PMS1: variants seen among roughly 807,000 people sequenced by gnomAD.
PMS1 encodes PMS1 protein homolog 1.
A neutral mutation model predicts 93.1 loss-of-function variants in PMS1; 79 were observed. That is an observed-to-expected ratio of 0.85 (90% confidence interval 0.71 to 1.02). The LOEUF is 1.02. PMS1 is among the 50% of genes least tolerant of loss of function. PMS1 has a pLI of 0.00. For synonymous variants in PMS1, 335 were observed against 363.4 expected (o/e 0.92, Z 0.89); for missense variants, 1,064 against 1,085.3 (o/e 0.98, Z 0.28).
At chr2:189,811,307 G>C (rs1248349761) in intron 4 of PMS1, among the ~76,000 whole-genome samples, 2 of 151,334 alleles carry the variant, frequency 1.3e-5, no homozygotes, top group Non-Finnish European at 2.9e-5. Context: ...AAGTCTGAGG[G>C]CTGGGCACGG....
chr2:189,873,059 C>A (rs2057287145), intron 11 of PMS1, among the ~76,000 whole-genome samples: 2 of 152,146 alleles, frequency 1.3e-5, no homozygotes, highest in African/African-American at 4.8e-5. Context: ...CCATAAATTA[C>A]TATGTGACTG....
intron 9 of PMS1, among the ~76,000 whole-genome samples, chr2:189,861,530 A>T (rs540750955): frequency 2.6e-5 from 4 of 151,998 alleles, no homozygotes; most frequent in Admixed American, 2.6e-4. Flanking sequence ...CAGGTGGATC[A>T]CCTGAAGTCA....
chr2:189,804,973 C>CTGAGGA (rs1333748791), intron 3 of PMS1, among the ~76,000 whole-genome samples: 4 of 151,922 alleles, frequency 2.6e-5, no homozygotes, highest in African/African-American at 9.7e-5. Context: ...AAATAGAAAG[C>CTGAGGA]TGAGGATGAA....
chr2:189,816,739 A>G (rs1300625998), intron 4 of PMS1, among the ~76,000 whole-genome samples: 28 of 152,172 alleles, frequency 1.8e-4, no homozygotes, highest in Admixed American at 1.8e-3. Flanking sequence ...GTTCCTTATG[A>G]TTGCCATTTT....
chr2:189,861,072 G>C (rs1459908697), intron 9 of PMS1, among the ~76,000 whole-genome samples: 4 of 151,680 alleles, frequency 2.6e-5, no homozygotes, highest in African/African-American at 9.7e-5. Context: ...AATTGATATG[G>C]TTGGGTTTAG....
At chr2:189,786,252 A>T (rs1017726054) in intron 1 of PMS1, among the ~76,000 whole-genome samples, 1 of 152,246 alleles carries the variant, frequency 6.6e-6, no homozygotes, top group Non-Finnish European at 1.5e-5. Context: ...CTGGTTGGCA[A>T]TTGGAAACCT....
At chr2:189,877,180 TAATC>T (rs2057648244) in intron 12 of PMS1, 88 bp from the exon 13 acceptor site, 1 of 1,009,034 alleles carries the variant, frequency 9.9e-7, no homozygotes. Context: ...AAAATGAAAA[TAATC>T]AAGATTCTGT....
intron 9 of PMS1, among the ~76,000 whole-genome samples, chr2:189,856,600 G>C (rs985751305): frequency 2.0e-5 from 3 of 152,094 alleles, no homozygotes; most frequent in African/African-American, 4.8e-5. Context: ...CAGTTTAAAG[G>C]TGAGGGGACT....
chr2:189,825,463 G>A (rs755342323), intron 5 of PMS1, among the ~76,000 whole-genome samples: 17 of 152,096 alleles, frequency 1.1e-4, no homozygotes, highest in Non-Finnish European at 1.9e-4. Flanking sequence ...CAATATTATA[G>A]TATCTGAAAC....
intron 5 of PMS1, among the ~76,000 whole-genome samples, chr2:189,834,543 T>G (rs1227922307): frequency 6.6e-6 from 1 of 152,176 alleles, no homozygotes; most frequent in Admixed American, 6.5e-5. Context: ...TCTGGCAAGT[T>G]ACACAAGGAA....
At chr2:189,843,084 C>G in intron 5 of PMS1, among the ~76,000 whole-genome samples, 1 of 151,548 alleles carries the variant, frequency 6.6e-6, no homozygotes, top group East Asian at 1.9e-4. Flanking sequence ...GTGGCGTGTT[C>G]TCGCCTCACT....
At chr2:189,806,437 ACACAGG>A (rs1478647377) in intron 4 of PMS1, 2 of 321,746 alleles carry the variant, frequency 6.2e-6, no homozygotes, top group Non-Finnish European at 6.0e-6. Flanking sequence ...TCACTCTGTC[ACACAGG>A]CTGGACTGCA....
intron 5 of PMS1, among the ~76,000 whole-genome samples, chr2:189,842,268 C>G (rs1448795006): frequency 5.3e-5 from 8 of 152,016 alleles, no homozygotes; most frequent in Admixed American, 5.2e-4. Flanking sequence ...CACTTTGCTG[C>G]TGCTCTTTCT....
At chr2:189,847,160 C>G (rs1473841788) in intron 6 of PMS1, among the ~76,000 whole-genome samples, 1 of 151,810 alleles carries the variant, frequency 6.6e-6, no homozygotes, top group Admixed American at 6.6e-5. Flanking sequence ...ATGTTTTCTT[C>G]TATTTGAAAG....
At chr2:189,800,945 C>A (rs1283168214) in intron 3 of PMS1, among the ~76,000 whole-genome samples, 1 of 152,128 alleles carries the variant, frequency 6.6e-6, no homozygotes, top group Non-Finnish European at 1.5e-5. Flanking sequence ...GTCAGTTTTC[C>A]TAATTTGTCA....
intron 5 of PMS1, among the ~76,000 whole-genome samples, chr2:189,820,794 T>C (rs1311178132): frequency 6.6e-6 from 1 of 152,196 alleles, no homozygotes; most frequent in Non-Finnish European, 1.5e-5. Flanking sequence ...GTCAGAACCC[T>C]TTTTGATCCA....
At chr2:189,791,746 A>T in intron 1 of PMS1, 44 bp from the exon 2 acceptor site, 1 of 1,440,878 alleles carries the variant, frequency 6.9e-7, no homozygotes, top group Non-Finnish European at 9.7e-7. Context: ...CCTGTTGGTC[A>T]GGAATGCTTA....
chr2:189,865,002 C>A (rs1190251579), intron 10 of PMS1, among the ~76,000 whole-genome samples: 1 of 151,602 alleles, frequency 6.6e-6, no homozygotes, highest in Admixed American at 6.6e-5. Flanking sequence ...CCTTTCTATA[C>A]AGTATATACA....
At chr2:189,821,468 A>AAAG (rs1553566344) in intron 5 of PMS1, among the ~76,000 whole-genome samples, 44 of 147,402 alleles carry the variant, frequency 3.0e-4, no homozygotes, top group East Asian at 1.8e-3. Flanking sequence ...AAAAAAAAAA[A>AAAG]AAAGAAAGAA....
Sources: allele counts gnomAD v4.1 joint callset (sites outside exome capture counted in the v4.1 genomes callset), GRCh38; gene constraint gnomAD v4.1.1; transcripts MANE v1.5; gene names NCBI Gene and HGNC (gene_info 2026-07-23, HGNC 2026-07-21).